CD84: variants seen among roughly 807,000 people sequenced by gnomAD.
The protein encoded by CD84 is SLAM family member 5.
A neutral mutation model predicts 33.8 loss-of-function variants in CD84; 22 were observed. The observed-to-expected ratio is 0.65, with a 90% confidence interval of 0.46 to 0.93. The LOEUF is 0.93. Ranked by LOEUF, CD84 falls within the 40% of genes least tolerant of loss-of-function variation. The pLI, the probability that CD84 is intolerant of heterozygous loss-of-function variation, is 0.00. For synonymous variants in CD84, 154 were observed against 145.2 expected, an observed-to-expected ratio of 1.06 and a Z score of -0.44; for missense variants, 400 against 397.6, an observed-to-expected ratio of 1.01 and a Z score of -0.05.
At chr1:160,557,708 C>T (rs1441797307) in intron 2 of CD84, among the ~76,000 whole-genome samples, 1 of 152,142 alleles carries the variant, frequency 6.6e-6, no homozygotes. Flanking sequence ...TTAAATTATG[C>T]ATTATATTTA....
Position 160,554,144 on chromosome 1 carries a change from G to T in CD84, c.391C>A (p.Arg131=). 1.9e-6 allele frequency: 3 copies of T among 1,608,432 alleles called. No homozygotes were observed. The highest frequency in any genetic ancestry group is 2.5e-6 in the Non-Finnish European group (3 of 1,176,610). ...TKRYNLQIYR[R]LGKPKITQSL... Reference sequence around the variant, plus strand: ...TGTGTAATTTTTGGTTTCCCAAGCCGACCTGTGGGGGCAAACACATGAGCC... The same window carrying T: ...TGTGTAATTTTTGGTTTCCCAAGCCTACCTGTGGGGGCAAACACATGAGCC... Residue 131 remains arginine (R), a splice_region_variant and synonymous_variant, in exon 3 of 7, where the codon CGG becomes AGG. Coordinates refer to ENST00000368054, the MANE Select transcript of CD84 (RefSeq NM_003874.4).
Position 160,544,923 on chromosome 1 carries a change from A to T in CD84, c.*3333T>A, listed in dbSNP as rs1419825739. 6.6e-6 allele frequency: 1 copy of T among 152,204 alleles called. No individual in the cohort carries two copies. Among genetic ancestry groups the T allele is most frequent in the Non-Finnish European group, 1.5e-5 (1 of 68,048 alleles). The allele number at this position is 152,204 out of a possible 1,614,324, so 9.4% of individuals were successfully genotyped here. The stretch of plus-strand genomic sequence containing the variant: ...GATGCACATTTTTAAAAACTGGCAC[A>T]CTTTGGTCTGATACAAGATCCTGTT... On this transcript the variant is annotated 3_prime_UTR_variant, in exon 7 of 7. Transcript: ENST00000368054.
At chr1:160,560,060 C>T (rs1345645037) in intron 2 of CD84, among the ~76,000 whole-genome samples, 1 of 151,956 alleles carries the variant, frequency 6.6e-6, no homozygotes, top group East Asian at 1.9e-4. Context: ...AGTTAAACAC[C>T]CTACTTACCA....
intron 1 of CD84, among the ~76,000 whole-genome samples, chr1:160,576,528 G>A (rs774394244): frequency 5.9e-5 from 9 of 152,058 alleles, no homozygotes; most frequent in East Asian, 1.9e-4. Flanking sequence ...GATTCTATCC[G>A]AATAATCCTG....
chr1:160,551,394 G>A (rs60364788), intron 4 of CD84: 5,328 of 242,418 alleles, frequency 0.022, 308 homozygotes, highest in African/African-American at 0.12. Context: ...TCCATGTCAC[G>A]GTCTTAGTTT....
intron 2 of CD84, among the ~76,000 whole-genome samples, chr1:160,554,803 A>C (rs1656494560): frequency 1.3e-5 from 2 of 152,198 alleles, no homozygotes; most frequent in African/African-American, 4.8e-5. Context: ...TACAACTATA[A>C]GCTGATTAGG....
intron 4 of CD84, 160 bp from the exon 5 acceptor site, chr1:160,551,195 G>A (rs754405302): frequency 6.9e-5 from 44 of 635,812 alleles, no homozygotes; most frequent in Non-Finnish European, 1.2e-4. Flanking sequence ...GAATGTCTCA[G>A]GAGTCACTTG....
At chr1:160,572,824 CTT>C (rs1657774594) in intron 1 of CD84, among the ~76,000 whole-genome samples, 1 of 152,130 alleles carries the variant, frequency 6.6e-6, no homozygotes, top group Non-Finnish European at 1.5e-5. Flanking sequence ...GGGGTGCAGG[CTT>C]AGATGGAAAA....
chr1:160,541,945 G>A lies in CD84; in HGVS notation c.*6311C>T, dbSNP rs1655563620. The A allele has an allele frequency of 6.6e-6, 1 of 152,266 alleles. No homozygotes were observed. Among genetic ancestry groups the A allele is most frequent in the African/African-American group, 2.4e-5 (1 of 41,440 alleles). The allele number at this position is 152,266 out of a possible 1,614,324, so 9.4% of individuals were successfully genotyped here. On this transcript the variant is annotated 3_prime_UTR_variant, in exon 7 of 7. Transcript: ENST00000368054. ...AGAATTAGGCCAATTAAGGGCACAT[G>A]CCTGAGAGGAGCCATATAGAGAAGT...
intron 3 of CD84, 169 bp downstream of exon 3, chr1:160,553,726 A>G: frequency 1.8e-6 from 2 of 1,111,896 alleles, no homozygotes; most frequent in East Asian, 5.1e-5. Flanking sequence ...CATCTCTCAG[A>G]AGGCTTTGGC....
chr1:160,553,155 G>GTACTAA, intron 4 of CD84: 2 of 709,766 alleles, frequency 2.8e-6, no homozygotes, highest in Non-Finnish European at 4.9e-6. Context: ...CCATGTTCTG[G>GTACTAA]GCCCACCAGC....
At chr1:160,550,228 A>T (rs1656112311) in intron 5 of CD84, among the ~76,000 whole-genome samples, 1 of 151,616 alleles carries the variant, frequency 6.6e-6, no homozygotes, top group Non-Finnish European at 1.5e-5. Context: ...AAGAGGAGGG[A>T]TCCCATGGTT....
At chr1:160,565,109 T>C (rs546849754) in intron 2 of CD84, among the ~76,000 whole-genome samples, 2 of 152,160 alleles carry the variant, frequency 1.3e-5, no homozygotes, top group Non-Finnish European at 2.9e-5. Flanking sequence ...ACTATCTCAT[T>C]TGATCCTCAT....
In CD84 at chr1:160,557,056, A is replaced by T. The variant is rs151314365; in HGVS notation, c.389-2910T>A. On this transcript the variant is annotated intron_variant, in intron 2 of 6. Transcript: ENST00000368054. ...AGGGATAAGGATTAAAAAATTAATG[A>T]TTACTAGTTATTGAGCATTTACTTT... Among the ~76,000 whole-genome samples the T allele has an allele frequency of 2.3e-3, 348 of 152,292 alleles. 2 individuals carry two copies. Among genetic ancestry groups the T allele is most frequent in the African/African-American group, 7.9e-3 (329 of 41,564 alleles).
chr1:160,566,353 G>A (rs922116314), intron 1 of CD84, among the ~76,000 whole-genome samples: 1 of 152,092 alleles, frequency 6.6e-6, no homozygotes, highest in Admixed American at 6.6e-5. Flanking sequence ...ACACAGAGAA[G>A]GGGCTTAATA....
At chr1:160,561,412 A>T (rs1326233193) in intron 2 of CD84, among the ~76,000 whole-genome samples, 2 of 151,270 alleles carry the variant, frequency 1.3e-5, no homozygotes, top group Non-Finnish European at 2.9e-5. Context: ...TGAAGACAAA[A>T]CCCACAGATC....
intron 1 of CD84, among the ~76,000 whole-genome samples, chr1:160,570,322 A>G (rs1657611780): frequency 6.6e-6 from 1 of 152,192 alleles, no homozygotes; most frequent in Admixed American, 6.5e-5. Context: ...GAATGATGGA[A>G]GATAAGGAGA....
intron 1 of CD84, among the ~76,000 whole-genome samples, chr1:160,574,789 G>C (rs1021861549): frequency 1.3e-5 from 2 of 152,148 alleles, no homozygotes; most frequent in African/African-American, 2.4e-5. Flanking sequence ...GCACATTGGT[G>C]AAGGTAATAG....
In CD84 at chr1:160,551,245, A is replaced by G. The variant is rs1656199407; in HGVS notation, c.761-210T>C. ...CACAGGTCAATGGGAATTCTCTTCT[A>G]CTCTAGAGTCCAGATTAGGCCAAAG... On this transcript the variant is annotated intron_variant, in intron 4 of 6. Coordinates refer to ENST00000368054, the MANE Select transcript of CD84 (RefSeq NM_003874.4). 5.6e-6 allele frequency: 3 copies of G among 531,686 alleles called. No homozygotes were observed. The East Asian group carries it at 1.0e-4, about 18-fold the overall frequency. The allele number at this position is 531,686 out of a possible 1,614,324, so 32.9% of individuals were successfully genotyped here. A position where few individuals can be genotyped will look rare whatever the true frequency, so the allele number is the denominator to read the frequency against.
Sources: gnomAD v4.1 joint callset for allele counts (sites outside exome capture counted in the v4.1 genomes callset) on GRCh38, gnomAD v4.1.1 for gene constraint, MANE v1.5 for transcripts, NCBI Gene and HGNC (gene_info 2026-07-23, HGNC 2026-07-21) for gene names.